EIF5B: variants seen among roughly 807,000 people sequenced by gnomAD.
EIF5B encodes the protein eIF-5B.
EIF5B carries 47 observed loss-of-function variants against 147.5 expected under a neutral mutation model. The ratio of observed to expected loss-of-function variants is 0.32; its 90% CI spans 0.25 to 0.41. The LOEUF (loss-of-function observed/expected upper bound fraction) is 0.41. Among genes scored for constraint, EIF5B ranks in the 10% least tolerant of loss-of-function variants. EIF5B has a pLI of 1.00. For synonymous variants in EIF5B, 455 were observed against 456.2 expected, an observed-to-expected ratio of 1.00 and a Z score of 0.03; for missense variants, 1,064 against 1,413.2, an observed-to-expected ratio of 0.75 and a Z score of 3.96.
At chr2:99,362,316 TATAAA>T (rs1674235665) in intron 4 of EIF5B, among the ~76,000 whole-genome samples, 1 of 152,174 alleles carries the variant, frequency 6.6e-6, no homozygotes, top group African/African-American at 2.4e-5. Context: ...AACAACCAAT[TATAAA>T]ATAAAAGTTC....
intron 1 of EIF5B, among the ~76,000 whole-genome samples, chr2:99,345,584 A>G (rs1207786128): frequency 1.7e-5 from 2 of 118,774 alleles, no homozygotes; most frequent in Middle Eastern, 9.9e-3. Flanking sequence ...ATGGAGTGAG[A>G]CTGTCTCAAA....
Position 99,400,885 on chromosome 2 carries a change from T to TAAAC in EIF5B, c.*1473_*1476dup, listed in dbSNP as rs550164540. On this transcript the variant is annotated 3_prime_UTR_variant, in exon 24 of 24. Transcript: ENST00000289371. ...GAGGTTTTTCAGCCTTTTAGTATAA[T>TAAAC]AAACAGTAGTTGCTTCCTAGAGTTG... The TAAAC allele has an allele frequency of 2.0e-4, 32 of 160,470 alleles. 1 individual carries two copies. The East Asian group carries it at 3.8e-3, about 19-fold the overall frequency. 9.9% of individuals were successfully genotyped at this position (160,470 alleles called of 1,614,324 possible). A position where few individuals can be genotyped will look rare whatever the true frequency, so the allele number is the denominator to read the frequency against.
chr2:99,345,915 G>C (rs2094272347), intron 1 of EIF5B, among the ~76,000 whole-genome samples: 1 of 148,224 alleles, frequency 6.7e-6, no homozygotes, highest in Non-Finnish European at 1.5e-5. Context: ...CTGCACTTCA[G>C]CCTGGGTGAC....
intron 10 of EIF5B, among the ~76,000 whole-genome samples, chr2:99,378,648 TCA>T (rs1674611312): frequency 6.6e-6 from 1 of 152,242 alleles, no homozygotes; most frequent in South Asian, 2.1e-4. Flanking sequence ...ATATAAATCC[TCA>T]CACAAATTCA....
intron 1 of EIF5B, among the ~76,000 whole-genome samples, chr2:99,355,381 G>A (rs912968741): frequency 6.6e-6 from 1 of 151,962 alleles, no homozygotes; most frequent in Non-Finnish European, 1.5e-5. Context: ...TCATTTTAGG[G>A]CTGATTGTCA....
chr2:99,373,906 C>T (rs1286606155), intron 9 of EIF5B, among the ~76,000 whole-genome samples: 1 of 151,942 alleles, frequency 6.6e-6, no homozygotes. Flanking sequence ...TAGCAAGTAC[C>T]TTTGAACTAA....
At chr2:99,389,697 C>T in intron 14 of EIF5B, 21 bp from the exon 15 acceptor site, 1 of 1,577,624 alleles carries the variant, frequency 6.3e-7, no homozygotes, top group Non-Finnish European at 8.6e-7. Context: ...AGAGATCTTT[C>T]TCATGAAAAA....
At chr2:99,354,907 A>G (rs973492879) in intron 1 of EIF5B, among the ~76,000 whole-genome samples, 4 of 145,416 alleles carry the variant, frequency 2.8e-5, no homozygotes, top group African/African-American at 1.0e-4. Context: ...GGTTCAAGAG[A>G]TTCTCCTGCT....
In EIF5B at chr2:99,390,416, T is replaced by C; in HGVS notation, c.2586+15T>C. ...AGGTGATGGAGGTAATGATCAACTT[T>C]TCAGTTTATTGTTTTTTTTTTTTTT... On this transcript the variant is annotated intron_variant, in intron 16 of 23. Transcript: ENST00000289371. 1.3e-6 allele frequency: 2 copies of C among 1,570,806 alleles called. No individual in the cohort carries two copies. The highest frequency in any genetic ancestry group is 1.7e-6 in the Non-Finnish European group (2 of 1,168,304).
intron 8 of EIF5B, 96 bp downstream of exon 8, chr2:99,369,577 A>G (rs1674400342): frequency 1.0e-6 from 1 of 965,592 alleles, no homozygotes; most frequent in Admixed American, 3.0e-5. Context: ...AATTGGGGAG[A>G]ACCAAATAAG....
chr2:99,360,559 A>T lies in EIF5B; in HGVS notation c.246+10A>T, dbSNP rs151032660. ...AACTGTTGCAGTGAAGGTGAAAGACAGACCTTTGTTACCTATTCGTATTTC... is the reference window on the plus strand; with the variant it reads ...AACTGTTGCAGTGAAGGTGAAAGACTGACCTTTGTTACCTATTCGTATTTC... On this transcript the variant is annotated intron_variant, in intron 3 of 23. Transcript: ENST00000289371. 5.0e-4 allele frequency: 798 copies of T among 1,608,922 alleles called. 5 individuals carry two copies. In the African/African-American group the frequency reaches 9.5e-3, roughly 19 times the overall value.
chr2:99,372,674 T>G (rs1674477461), intron 9 of EIF5B, among the ~76,000 whole-genome samples: 1 of 152,240 alleles, frequency 6.6e-6, no homozygotes, highest in Non-Finnish European at 1.5e-5. Flanking sequence ...GGGCATTTTC[T>G]AATTGTCTTT....
intron 22 of EIF5B, 193 bp downstream of exon 22, chr2:99,397,091 C>T: frequency 2.0e-6 from 1 of 495,230 alleles, no homozygotes; most frequent in Non-Finnish European, 3.3e-6. Flanking sequence ...TTAAAACAAG[C>T]AGAGCCTGTC....
intron 1 of EIF5B, among the ~76,000 whole-genome samples, chr2:99,339,302 CG>C (rs2094253648): frequency 6.6e-6 from 1 of 151,948 alleles, no homozygotes; most frequent in Non-Finnish European, 1.5e-5. Flanking sequence ...CGTGATCCAT[CG>C]CCCCTGGCCC....
At position 99,361,705 on chromosome 2, in the gene EIF5B, A is replaced by G; in HGVS notation, c.804A>G (p.Lys268=). The G allele has an allele frequency of 1.9e-6, 3 of 1,600,070 alleles. No homozygotes were observed. Among genetic ancestry groups the G allele is most frequent in the Non-Finnish European group, 2.5e-6 (3 of 1,176,894 alleles). The change falls in exon 4 of 24, where the codon AAA becomes AAG. Residue 268 remains lysine (K), a synonymous_variant. Transcript: ENST00000289371. ...AAACAGGTAAAAAGGATCAGAGTAA[A>G]CAAAAGGAATCTCAAAGGAAATTTG... The part of the protein sequence containing the change: ...ELETGKKDQS[K]QKESQRKFEE...
chr2:99,380,206 AT>A (rs898245521), intron 12 of EIF5B, among the ~76,000 whole-genome samples: 29 of 150,440 alleles, frequency 1.9e-4, no homozygotes, highest in African/African-American at 6.3e-4. Flanking sequence ...GGCCAATATG[AT>A]TTTTTTTTTC....
intron 13 of EIF5B, 86 bp downstream of exon 13, chr2:99,382,312 G>A: frequency 8.9e-7 from 1 of 1,127,356 alleles, no homozygotes; most frequent in Non-Finnish European, 1.3e-6. Context: ...TAACCTTTGA[G>A]TAGTAATTTG....
chr2:99,389,858 G>C lies in EIF5B; in HGVS notation c.2403+9G>C. ...TAGAATTTGCACAGCAGGTAAGAAG[G>C]CCTTCCTTCTTTCTGAAGAGCCTAT... On this transcript the variant is annotated intron_variant, in intron 15 of 23. Coordinates refer to ENST00000289371, the MANE Select transcript of EIF5B (RefSeq NM_015904.4). 1 of 1,597,404 alleles carries C rather than the reference G, an allele frequency of 6.3e-7. No individual in the cohort carries two copies. The highest frequency in any genetic ancestry group is 1.8e-5 in the Admixed American group (1 of 55,646).
rs778065767 is a variant in EIF5B, at chr2:99,394,793, G to A, written c.3164G>A (p.Arg1055Lys). 69 of 1,613,460 alleles carry A rather than the reference G, an allele frequency of 4.3e-5. 2 individuals carry two copies. The East Asian group carries it at 1.0e-3, about 24-fold the overall frequency. Residue 1055 changes from arginine (R) to lysine (K), a missense_variant, in exon 21 of 24, where the codon AGA (arginine) becomes AAA (lysine). Physicochemically the swap from Arg to Lys is conservative, Grantham distance 26. Transcript: ENST00000289371. ...GAAATGGCTGATAGTTTAGGAGTTAGAATTTTTAGTGCAGAAATTATTTAT... is the reference window on the plus strand; with the variant it reads ...GAAATGGCTGATAGTTTAGGAGTTAAAATTTTTAGTGCAGAAATTATTTAT... ...AQEMADSLGV[R>K]IFSAEIIYHL...
Sources: gnomAD v4.1 joint callset for allele counts (sites outside exome capture counted in the v4.1 genomes callset) on GRCh38, gnomAD v4.1.1 for gene constraint, MANE v1.5 for transcripts, NCBI Gene and HGNC (gene_info 2026-07-23, HGNC 2026-07-21) for gene names.